The following SYCP2 variants were observed in gnomAD, a reference collection of about 807,000 sequenced individuals.
SYCP2 encodes synaptonemal complex lateral element protein.
In SYCP2, 55 loss-of-function variants were observed where a neutral mutation model predicts 211.3. That is an observed-to-expected ratio of 0.26 (90% CI 0.21 to 0.33). The LOEUF (loss-of-function observed/expected upper bound fraction) is 0.33, where lower values mean the gene tolerates loss of function less well. Among genes scored for constraint, SYCP2 ranks in the 10% least tolerant of loss-of-function variants. SYCP2 has a pLI of 1.00. For synonymous variants in SYCP2, 570 were observed against 555.2 expected (o/e 1.03, Z -0.37); for missense variants, 1,731 against 1,752.0 (o/e 0.99, Z 0.21).
chr20:59,879,721 A>C (rs917895463), intron 31 of SYCP2, among the ~76,000 whole-genome samples: 4 of 150,070 alleles, frequency 2.7e-5, no homozygotes, highest in Non-Finnish European at 5.9e-5. Flanking sequence ...CTGGAAGAAA[A>C]TTGTTTTCCT....
At chr20:59,911,128 C>T (rs1316331511) in intron 14 of SYCP2, among the ~76,000 whole-genome samples, 3 of 152,072 alleles carry the variant, frequency 2.0e-5, no homozygotes. Context: ...CAGATTTTGG[C>T]AAACGGACTG....
chr20:59,927,792 A>G lies in SYCP2; in HGVS notation c.-47+4270T>C, dbSNP rs559055608. ...TTTGATTGGTAAATTTGGGAAGGAA[A>G]ATGAGCCAGGCTCAGCTCAGGCTCA... is the stretch of plus-strand genomic sequence containing the variant. On this transcript the variant is annotated intron_variant, in intron 2 of 44. Coordinates refer to ENST00000357552, the MANE Select transcript of SYCP2 (RefSeq NM_014258.4). Among the ~76,000 whole-genome samples, 9 of 152,224 alleles carry G rather than the reference A, an allele frequency of 5.9e-5. No homozygotes were observed. In the East Asian group the frequency reaches 1.4e-3, roughly 23 times the overall value.
intron 4 of SYCP2, 130 bp downstream of exon 4, chr20:59,921,180 A>T: frequency 1.6e-6 from 1 of 627,658 alleles, no homozygotes; most frequent in Non-Finnish European, 2.6e-6. Context: ...TGGTGAAATA[A>T]GCATTTATTT....
rs895044486 is a variant in SYCP2, at chr20:59,877,553, T to G, written c.2982A>C (p.Thr994=). The change falls in exon 33 of 45, where the codon ACA becomes ACC. Residue 994 remains threonine, a splice_region_variant and synonymous_variant. Transcript: ENST00000357552. The stretch of plus-strand genomic sequence containing the variant: ...TCTTTTTTGTGATATTTTTACTGGG[T>G]GTCTTTAGGAGAAAAATTCCTGAAT... The part of the protein sequence containing the change: ...LEKGQPSSKM[T]PSKNITKKMD... 3 of 1,583,992 alleles carry G rather than the reference T, an allele frequency of 1.9e-6. No individual in the cohort carries two copies. The highest frequency in any genetic ancestry group is 2.6e-6 in the Non-Finnish European group (3 of 1,172,918).
chr20:59,891,683 A>G (rs1188304151), intron 24 of SYCP2, among the ~76,000 whole-genome samples: 1 of 152,044 alleles, frequency 6.6e-6, no homozygotes, highest in African/African-American at 2.4e-5. Flanking sequence ...AGGAATTATA[A>G]GAAATGTACA....
At chr20:59,932,760 TG>T (rs1321036470) in intron 1 of SYCP2, among the ~76,000 whole-genome samples, 1 of 151,964 alleles carries the variant, frequency 6.6e-6, no homozygotes, top group Admixed American at 6.5e-5. Context: ...AGGCCGCACG[TG>T]GAGCCACGTG....
intron 2 of SYCP2, among the ~76,000 whole-genome samples, chr20:59,930,657 CAT>C: frequency 6.6e-6 from 1 of 151,988 alleles, no homozygotes; most frequent in East Asian, 1.9e-4. Context: ...ACTACGTGAA[CAT>C]GATATGGACT....
In SYCP2 at chr20:59,892,709, A is replaced by T; in HGVS notation, c.1794-8T>A. 1 of 1,598,078 alleles carries T rather than the reference A, an allele frequency of 6.3e-7. No individual in the cohort carries two copies. The highest frequency in any genetic ancestry group is 1.8e-5 in the Admixed American group (1 of 56,704). ...TCTAAAACACCAGGTAATCTAGAAAATAAATTAATTTGCTTAATGTTACAA... is the reference window on the plus strand; with the variant it reads ...TCTAAAACACCAGGTAATCTAGAAATTAAATTAATTTGCTTAATGTTACAA... On this transcript the variant is annotated splice_region_variant and splice_polypyrimidine_tract_variant and intron_variant, in intron 22 of 44. Coordinates refer to ENST00000357552, the MANE Select transcript of SYCP2 (RefSeq NM_014258.4).
At chr20:59,881,845 C>A in intron 28 of SYCP2, 100 bp downstream of exon 28, 1 of 846,254 alleles carries the variant, frequency 1.2e-6, no homozygotes, top group South Asian at 1.9e-5. Context: ...AATTTTAAAG[C>A]ATATGAGGAT....
chr20:59,873,373 T>C (rs1008841562), intron 35 of SYCP2, among the ~76,000 whole-genome samples: 11 of 152,292 alleles, frequency 7.2e-5, no homozygotes, highest in African/African-American at 2.6e-4. Context: ...CCAAGATGGC[T>C]ACTATGTGAC....
intron 7 of SYCP2, among the ~76,000 whole-genome samples, chr20:59,918,197 G>A (rs2060477765): frequency 6.6e-6 from 1 of 152,136 alleles, no homozygotes; most frequent in African/African-American, 2.4e-5. Context: ...ATACTGAATG[G>A]CTTTGGTAAT....
intron 29 of SYCP2, 30 bp from the exon 30 acceptor site, chr20:59,881,053 A>T (rs765680998): frequency 8.1e-7 from 1 of 1,227,970 alleles, no homozygotes; most frequent in Non-Finnish European, 1.2e-6. Context: ...TAATTAAAAA[A>T]TACCCTTCAT....
At chr20:59,896,747 G>T (rs2060016538) in intron 18 of SYCP2, among the ~76,000 whole-genome samples, 1 of 152,084 alleles carries the variant, frequency 6.6e-6, no homozygotes, top group African/African-American at 2.4e-5. Flanking sequence ...AAGGAACATT[G>T]TTTTAAAGAA....
intron 31 of SYCP2, 38 bp from the exon 32 acceptor site, chr20:59,878,083 AAT>A: frequency 7.3e-7 from 1 of 1,378,834 alleles, no homozygotes; most frequent in Non-Finnish European, 1.0e-6. Flanking sequence ...TTTCACAGTA[AAT>A]AAGAATAGGC....
intron 2 of SYCP2, among the ~76,000 whole-genome samples, chr20:59,925,733 A>C (rs1292587867): frequency 6.6e-6 from 1 of 152,066 alleles, no homozygotes; most frequent in African/African-American, 2.4e-5. Flanking sequence ...TGTTTTAAAT[A>C]GAGGGAAGAT....
At chr20:59,881,145 T>C (rs2059671141) in intron 29 of SYCP2, 122 bp from the exon 30 acceptor site, 2 of 593,826 alleles carry the variant, frequency 3.4e-6, no homozygotes, top group Admixed American at 3.6e-5. Context: ...AGCTATATTA[T>C]TCTGGCCAAG....
intron 25 of SYCP2, among the ~76,000 whole-genome samples, chr20:59,886,203 C>T (rs2059784720): frequency 6.6e-6 from 1 of 151,914 alleles, no homozygotes; most frequent in Admixed American, 6.6e-5. Context: ...TGAATGATTC[C>T]ACCATAAGAA....
intron 18 of SYCP2, among the ~76,000 whole-genome samples, chr20:59,899,633 G>A (rs777264116): frequency 2.6e-5 from 4 of 151,986 alleles, no homozygotes; most frequent in East Asian, 1.9e-4. Context: ...CTGAAGGAGC[G>A]GACCTTAAGA....
At chr20:59,911,283 T>C (rs1336657788) in intron 14 of SYCP2, among the ~76,000 whole-genome samples, 1 of 152,164 alleles carries the variant, frequency 6.6e-6, no homozygotes, top group East Asian at 1.9e-4. Flanking sequence ...AGCACAGCTA[T>C]GATAAAGCAT....
Sources: gnomAD v4.1 joint callset for allele counts (sites outside exome capture counted in the v4.1 genomes callset) on GRCh38, gnomAD v4.1.1 for gene constraint, MANE v1.5 for transcripts, NCBI Gene and HGNC (gene_info 2026-07-23, HGNC 2026-07-21) for gene names.